The following RPH3AL variants were observed in gnomAD, a reference collection of about 807,000 sequenced individuals.
RPH3AL encodes rabphilin 3A like (without C2 domains), also known as rab effector Noc2.
A neutral mutation model predicts 43.1 loss-of-function variants in RPH3AL; 38 were observed. The observed-to-expected ratio is 0.88, with a 90% CI of 0.68 to 1.15. RPH3AL has a LOEUF of 1.15. Ranked by LOEUF, RPH3AL falls within the 50% of genes most tolerant of loss-of-function variation. The probability of loss-of-function intolerance (pLI) is 0.00; values close to 1 mark genes in which losing one functional copy is unlikely to be tolerated. For missense variants in RPH3AL, 462 were observed against 423.2 expected, an observed-to-expected ratio of 1.09 and a Z score of -0.81; for synonymous variants, 189 against 176.3, an observed-to-expected ratio of 1.07 and a Z score of -0.57.
Position 327,505 on chromosome 17 carries a change from C to T in RPH3AL, c.39G>A (p.Trp13Ter), listed in dbSNP as rs779913828. 3 of 1,613,984 alleles carry T rather than the reference C, an allele frequency of 1.9e-6. No homozygotes were observed. Among genetic ancestry groups the T allele is most frequent in the Non-Finnish European group, 1.7e-6 (2 of 1,179,996 alleles). Residue 13 changes from tryptophan (W) to a stop codon, truncating the protein, a stop_gained, in exon 3 of 10, where the codon TGG (tryptophan) becomes TGA (stop). Coordinates refer to ENST00000331302, the MANE Select transcript of RPH3AL (RefSeq NM_006987.4). LOFTEE classifies it high-confidence loss of function. ...CAAGCTGCCGGTCATTGGGGCAAACCCACTGATCATTCCCGCTGCCGAAGA... is the reference window on the plus strand; with the variant it reads ...CAAGCTGCCGGTCATTGGGGCAAACTCACTGATCATTCCCGCTGCCGAAGA... ...DTIFGSGNDQ[W>*]VCPNDRQLAL...
At chr17:216,235 C>T (rs573995463) in intron 8 of RPH3AL, among the ~76,000 whole-genome samples, 1 of 150,944 alleles carries the variant, frequency 6.6e-6, no homozygotes, top group East Asian at 2.0e-4. Flanking sequence ...CGGGCTCTGG[C>T]CTGACCTCAC....
intron 7 of RPH3AL, among the ~76,000 whole-genome samples, chr17:241,055 CAATAATAATAATAATAATAAT>C (rs57086885): frequency 0.69 from 99,175 of 143,544 alleles, 34,152 homozygotes; most frequent in South Asian, 0.79. Flanking sequence ...GACTCCATCT[CAATAATAATAATAATAATAAT>C]AATAATAATA....
At chr17:307,433 G>C (rs1023519353) in intron 5 of RPH3AL, among the ~76,000 whole-genome samples, 32 of 152,214 alleles carry the variant, frequency 2.1e-4, no homozygotes, top group Admixed American at 4.6e-4. Context: ...CCCCACGGCA[G>C]GTCCTCCCCA....
At chr17:253,767 G>A (rs373219735) in intron 6 of RPH3AL, among the ~76,000 whole-genome samples, 3,101 of 106,272 alleles carry the variant, frequency 0.029, 220 homozygotes, top group East Asian at 0.056. Flanking sequence ...TACTTCCTAT[G>A]AGGGGAGCCG....
intron 6 of RPH3AL, among the ~76,000 whole-genome samples, chr17:266,096 A>G (rs2042313026): frequency 1.3e-5 from 2 of 152,176 alleles, no homozygotes; most frequent in South Asian, 4.1e-4. Flanking sequence ...TCCCTTCTGA[A>G]GTGCTAACTC....
chr17:283,277 CCACGTCGAG>C lies in RPH3AL; in HGVS notation c.352-1432_352-1424del, dbSNP rs1363338194. On this transcript the variant is annotated intron_variant, in intron 5 of 9. Transcript: ENST00000331302. This position sits in a 1 kb window ranked among gnomAD's most constrained non-coding sequence, Gnocchi z 4.2. ...AGGGAAAATGTCACCAACTTGGCTTCCACGTCGAGCGTGTCGAGCGTGTGGAGGTCACTG... is the reference window on the plus strand; with the variant it reads ...AGGGAAAATGTCACCAACTTGGCTTCCGTGTCGAGCGTGTGGAGGTCACTG... Among the ~76,000 whole-genome samples the C allele has an allele frequency of 6.6e-6, 1 of 152,176 alleles. No individual in the cohort carries two copies. The highest frequency in any genetic ancestry group is 1.5e-5 in the Non-Finnish European group (1 of 68,028).
chr17:336,675 C>T (rs570787324), intron 1 of RPH3AL, among the ~76,000 whole-genome samples: 29 of 152,300 alleles, frequency 1.9e-4, no homozygotes, highest in South Asian at 4.1e-4. Flanking sequence ...CAGAAACCTT[C>T]GGTGGCTCCC....
rs1179963143 is a variant in RPH3AL at position 215,787 on chromosome 17, G to A, written c.743C>T (p.Ala248Val). The A allele has an allele frequency of 6.1e-6, 8 of 1,302,828 alleles. No homozygotes were observed. The South Asian group carries it at 8.1e-5, about 13-fold the overall frequency. 80.7% of individuals were successfully genotyped at this position (1,302,828 alleles called of 1,614,324 possible). A position where few individuals can be genotyped will look rare whatever the true frequency, so the allele number is the denominator to read the frequency against. Residue 248 changes from alanine (A) to valine (V), a missense_variant, in exon 9 of 10, where the codon GCC (alanine) becomes GTC (valine). Physicochemically the swap from Ala to Val is moderately conservative, Grantham distance 64 (BLOSUM62 0). Transcript: ENST00000331302. This position sits in a 1 kb window ranked among gnomAD's most constrained non-coding sequence, Gnocchi z 4.1. ...CGGGTGGGTGAACCCCATCCTGGGGGCCTCCACGCTGCCACCTGTGGGAAA... is the reference window on the plus strand; with the variant it reads ...CGGGTGGGTGAACCCCATCCTGGGGACCTCCACGCTGCCACCTGTGGGAAA... ...PWKESGGSVE[A>V]PRMGFTHPPG...
At chr17:294,289 C>A (rs1169754170) in intron 5 of RPH3AL, among the ~76,000 whole-genome samples, 2 of 79,226 alleles carry the variant, frequency 2.5e-5, no homozygotes, top group Non-Finnish European at 5.0e-5. Flanking sequence ...TAGCAAGACC[C>A]CGTCTCTACA....
At chr17:273,706 C>A (rs999323117) in intron 6 of RPH3AL, among the ~76,000 whole-genome samples, 4 of 152,246 alleles carry the variant, frequency 2.6e-5, no homozygotes. Context: ...TTGCAAATTT[C>A]TCTTTCAATC....
At chr17:236,917 G>A (rs941733990) in intron 7 of RPH3AL, among the ~76,000 whole-genome samples, 2 of 152,262 alleles carry the variant, frequency 1.3e-5, no homozygotes, top group African/African-American at 2.4e-5. Context: ...GCACAGCCTG[G>A]CCGCCTACAG....
At chr17:314,150 G>C (rs978929671) in intron 5 of RPH3AL, among the ~76,000 whole-genome samples, 4 of 152,190 alleles carry the variant, frequency 2.6e-5, no homozygotes, top group Admixed American at 6.5e-5. Context: ...AGCCACACCA[G>C]CAGCGGCCTC....
intron 6 of RPH3AL, among the ~76,000 whole-genome samples, chr17:280,254 G>A (rs1181996337): frequency 6.6e-6 from 1 of 152,142 alleles, no homozygotes. Context: ...CTTGGGAGGT[G>A]GGGGACCAGA....
intron 5 of RPH3AL, among the ~76,000 whole-genome samples, chr17:307,998 AAG>A (rs1310686957): frequency 6.6e-6 from 1 of 152,236 alleles, no homozygotes; most frequent in African/African-American, 2.4e-5. Context: ...TTGGAGATGC[AAG>A]AGAGCCGAAG....
intron 5 of RPH3AL, among the ~76,000 whole-genome samples, chr17:293,526 G>A (rs537767560): frequency 2.5e-4 from 38 of 152,236 alleles, no homozygotes; most frequent in African/African-American, 7.7e-4. Context: ...ACCCCTTCCC[G>A]GTCCTGGTTA....
At chr17:298,296 C>T (rs1345811016) in intron 5 of RPH3AL, among the ~76,000 whole-genome samples, 1 of 152,124 alleles carries the variant, frequency 6.6e-6, no homozygotes, top group African/African-American at 2.4e-5. Flanking sequence ...GGGTAGAGCA[C>T]CGGCCTCTCT....
chr17:319,650 C>T, intron 4 of RPH3AL, 101 bp from the exon 5 acceptor site: 2 of 1,424,212 alleles, frequency 1.4e-6, no homozygotes, highest in Non-Finnish European at 1.9e-6. Context: ...TGTCCCCTCA[C>T]CTGGGATATT....
chr17:331,249 G>C, intron 2 of RPH3AL: 2 of 211,694 alleles, frequency 9.4e-6, no homozygotes, highest in Admixed American at 5.3e-5. Flanking sequence ...CAGGGCAGAA[G>C]AGCCACAGAG....
At chr17:217,228 A>G (rs1353189745) in intron 8 of RPH3AL, among the ~76,000 whole-genome samples, 2 of 87,814 alleles carry the variant, frequency 2.3e-5, no homozygotes, top group African/African-American at 3.7e-5. Flanking sequence ...TTTCGTTCCC[A>G]TCTGGGGCAG....
Sources: gnomAD v4.1 joint callset for allele counts (sites outside exome capture counted in the v4.1 genomes callset) on GRCh38, gnomAD v4.1.1 for gene constraint, Gnocchi (gnomAD v3.1) non-coding constraint, MANE v1.5 for transcripts, NCBI Gene and HGNC (gene_info 2026-07-23, HGNC 2026-07-21) for gene names.